STK32B: variants seen among roughly 807,000 people sequenced by gnomAD.
The protein encoded by STK32B is serine/threonine kinase 32B.
Under a neutral mutation model 52.6 loss-of-function variants are expected in STK32B, and 43 were observed. That is an observed-to-expected ratio of 0.82 (90% CI 0.64 to 1.05). The LOEUF (loss-of-function observed/expected upper bound fraction) is 1.05. Ranked by LOEUF, STK32B falls within the 50% of genes least tolerant of loss-of-function variation. The pLI is 0.00. For synonymous variants in STK32B, 238 were observed against 204.3 expected, an observed-to-expected ratio of 1.17 and a Z score of -1.41; for missense variants, 621 against 534.6, an observed-to-expected ratio of 1.16 and a Z score of -1.59.
intron 3 of STK32B, among the ~76,000 whole-genome samples, chr4:5,214,539 C>G (rs1282704198): frequency 6.6e-6 from 1 of 152,190 alleles, no homozygotes; most frequent in African/African-American, 2.4e-5. Flanking sequence ...TGCCATCTAT[C>G]ATTTCCTTCT....
In STK32B at chr4:5,189,732, A is replaced by G. The variant is rs114415766; in HGVS notation, c.260+21282A>G. On this transcript the variant is annotated intron_variant, in intron 3 of 11. Coordinates refer to ENST00000282908, the MANE Select transcript of STK32B (RefSeq NM_018401.3). ...GGCTTAGTTTGGTAAGACATTGCCA[A>G]TCTGTTTTCCAAAATGGCTGTGCCA... Among the ~76,000 whole-genome samples, 151 of 152,262 alleles carry G rather than the reference A, an allele frequency of 9.9e-4. 1 individual carries two copies. Among genetic ancestry groups the G allele is most frequent in the Admixed American group, 2.6e-3 (40 of 15,304 alleles).
At chr4:5,236,639 A>G (rs1399112355) in intron 3 of STK32B, among the ~76,000 whole-genome samples, 1 of 152,224 alleles carries the variant, frequency 6.6e-6, no homozygotes, top group East Asian at 1.9e-4. Context: ...ACAAAGTGAC[A>G]AGGGTCTTTG....
At chr4:5,491,699 T>C (rs1363882462) in intron 11 of STK32B, among the ~76,000 whole-genome samples, 2 of 152,116 alleles carry the variant, frequency 1.3e-5, no homozygotes, top group Non-Finnish European at 2.9e-5. Flanking sequence ...TTCTAGGGTT[T>C]TTATGGTTTT....
intron 11 of STK32B, among the ~76,000 whole-genome samples, chr4:5,475,659 C>CAG (rs1718182951): frequency 6.6e-6 from 1 of 150,558 alleles, no homozygotes; most frequent in Non-Finnish European, 1.5e-5. Flanking sequence ...GATCACGCCA[C>CAG]TGCACTCCAG....
intron 4 of STK32B, among the ~76,000 whole-genome samples, chr4:5,372,449 C>T (rs939972848): frequency 3.3e-5 from 5 of 152,116 alleles, no homozygotes; most frequent in African/African-American, 9.7e-5. Flanking sequence ...CCAGGACTCC[C>T]GACCTCTCAC....
At chr4:5,286,925 G>A (rs1206510195) in intron 3 of STK32B, among the ~76,000 whole-genome samples, 1 of 151,224 alleles carries the variant, frequency 6.6e-6, no homozygotes, top group African/African-American at 2.4e-5. Context: ...AGCCTCCCGA[G>A]TAGCTGAGAT....
At chr4:5,083,697 A>G (rs1209215764) in intron 1 of STK32B, among the ~76,000 whole-genome samples, 1 of 151,934 alleles carries the variant, frequency 6.6e-6, no homozygotes, top group South Asian at 2.1e-4. Context: ...AAGAGATAGT[A>G]TCTATTTTGC....
chr4:5,251,963 A>G (rs574904963), intron 3 of STK32B, among the ~76,000 whole-genome samples: 1 of 152,316 alleles, frequency 6.6e-6, no homozygotes, highest in South Asian at 2.1e-4. Flanking sequence ...CCATGAAAGC[A>G]ACTTGAGAAG....
intron 6 of STK32B, among the ~76,000 whole-genome samples, chr4:5,417,930 T>G (rs1188317608): frequency 1.3e-5 from 2 of 152,248 alleles, no homozygotes; most frequent in Non-Finnish European, 2.9e-5. Flanking sequence ...ATTCTTTCTC[T>G]ATGTGGTCTT....
chr4:5,222,525 T>C (rs570152244), intron 3 of STK32B, among the ~76,000 whole-genome samples: 6 of 151,904 alleles, frequency 3.9e-5, no homozygotes, highest in South Asian at 2.1e-4. Context: ...AGATGAGCAA[T>C]GTCTTATTGA....
chr4:5,488,725 T>C (rs1039268802), intron 11 of STK32B, among the ~76,000 whole-genome samples: 5 of 152,156 alleles, frequency 3.3e-5, no homozygotes, highest in African/African-American at 1.2e-4. Context: ...TTAGTCTCTT[T>C]TCTTTGCAAC....
the STK32B span, among the ~76,000 whole-genome samples, chr4:5,039,053 C>A: frequency 1.4e-5 from 2 of 139,176 alleles, no homozygotes; most frequent in African/African-American, 5.5e-5. Context: ...GTGGCATGAT[C>A]ATAGCCCACA....
the STK32B span, among the ~76,000 whole-genome samples, chr4:5,026,970 C>G: frequency 6.6e-6 from 1 of 152,208 alleles, no homozygotes; most frequent in African/African-American, 2.4e-5. Context: ...CACATCAACG[C>G]TTGCAAAGAG....
chr4:5,202,908 T>C (rs1722270675), intron 3 of STK32B, among the ~76,000 whole-genome samples: 1 of 152,196 alleles, frequency 6.6e-6, no homozygotes. Flanking sequence ...AGAAATAGCT[T>C]ATTTATTAAT....
In STK32B at chr4:5,051,537, C is replaced by T. The variant is rs966864525; in HGVS notation, c.-327C>T. 1.1e-5 allele frequency: 4 copies of T among 349,842 alleles called. No individual in the cohort carries two copies. The highest frequency in any genetic ancestry group is 7.2e-5 in the South Asian group (1 of 13,970). The allele number at this position is 349,842 out of a possible 1,614,324, so 21.7% of individuals were successfully genotyped here. A position where few individuals can be genotyped will look rare whatever the true frequency, so the allele number is the denominator to read the frequency against. ...CGCGTCTCCCGCCCGCTGTAGCCGG[C>T]GAGGAGCGCCGCACGTTGGCCCCGG... On this transcript the variant is annotated 5_prime_UTR_variant, in exon 1 of 12. Coordinates refer to ENST00000282908, the MANE Select transcript of STK32B (RefSeq NM_018401.3).
At chr4:5,185,517 C>T (rs1720675942) in intron 3 of STK32B, among the ~76,000 whole-genome samples, 1 of 152,176 alleles carries the variant, frequency 6.6e-6, no homozygotes, top group Non-Finnish European at 1.5e-5. Flanking sequence ...GCCGATCTGG[C>T]TGAAGTAGTG....
chr4:5,335,570 T>C (rs574446497), intron 4 of STK32B, among the ~76,000 whole-genome samples: 2,010 of 152,068 alleles, frequency 0.013, 30 homozygotes, highest in East Asian at 0.071. Context: ...ATTGTGATGT[T>C]AGGGTGTCAA....
chr4:5,178,245 GT>G (rs1361612928), intron 3 of STK32B, among the ~76,000 whole-genome samples: 1 of 152,238 alleles, frequency 6.6e-6, no homozygotes, highest in Non-Finnish European at 1.5e-5. Context: ...AACACCACAT[GT>G]AAGCCACCAA....
At chr4:5,480,642 T>G (rs772742489) in intron 11 of STK32B, among the ~76,000 whole-genome samples, 4 of 152,156 alleles carry the variant, frequency 2.6e-5, no homozygotes, top group Non-Finnish European at 5.9e-5. Flanking sequence ...GCAGGTTAGT[T>G]ACATTTGTGT....
Sources: gnomAD v4.1 joint callset for allele counts (sites outside exome capture counted in the v4.1 genomes callset) on GRCh38, gnomAD v4.1.1 for gene constraint, MANE v1.5 for transcripts, NCBI Gene and HGNC (gene_info 2026-07-23, HGNC 2026-07-21) for gene names.